VPS50: variants seen among roughly 807,000 people sequenced by gnomAD.
VPS50 encodes VPS50 subunit of EARP/GARPII complex.
VPS50 carries 70 observed loss-of-function variants against 139.7 expected under a neutral mutation model. The observed-to-expected ratio is 0.50, with a 90% confidence interval of 0.41 to 0.61. The LOEUF (loss-of-function observed/expected upper bound fraction) is 0.61. VPS50 is among the 20% of genes least tolerant of loss of function. VPS50 has a pLI of 0.00. For missense variants in VPS50, 921 were observed against 1,133.7 expected, an observed-to-expected ratio of 0.81 and a Z score of 2.69; for synonymous variants, 365 against 376.7, an observed-to-expected ratio of 0.97 and a Z score of 0.36.
intron 18 of VPS50, among the ~76,000 whole-genome samples, chr7:93,307,931 T>C (rs1257758114): frequency 1.3e-5 from 2 of 151,882 alleles, no homozygotes; most frequent in African/African-American, 4.8e-5. Flanking sequence ...ATTCTTTCCA[T>C]GTTGTTATCA....
At chr7:93,347,940 A>G (rs1266249031) in intron 23 of VPS50, among the ~76,000 whole-genome samples, 3 of 151,996 alleles carry the variant, frequency 2.0e-5, no homozygotes, top group African/African-American at 7.2e-5. Context: ...AGTAACCTGC[A>G]CATTGTGCAC....
At chr7:93,291,597 C>A (rs1796650068) in intron 12 of VPS50, 106 bp from the exon 13 acceptor site, 1 of 621,364 alleles carries the variant, frequency 1.6e-6, no homozygotes, top group Non-Finnish European at 2.5e-6. Context: ...AAGAAATTTT[C>A]TTGGTTATTT....
intron 9 of VPS50, among the ~76,000 whole-genome samples, chr7:93,262,271 A>C (rs894592139): frequency 1.3e-5 from 2 of 152,234 alleles, no homozygotes; most frequent in African/African-American, 4.8e-5. Flanking sequence ...GCTATGCTAA[A>C]GTAAATGTCT....
chr7:93,252,364 T>C (rs1236117404), intron 2 of VPS50, among the ~76,000 whole-genome samples: 1 of 151,798 alleles, frequency 6.6e-6, no homozygotes, highest in Non-Finnish European at 1.5e-5. Context: ...AGGTAGTCAC[T>C]TTTTTTTCTT....
chr7:93,266,430 C>T (rs1353322977), intron 9 of VPS50, among the ~76,000 whole-genome samples: 1 of 152,134 alleles, frequency 6.6e-6, no homozygotes, highest in Non-Finnish European at 1.5e-5. Context: ...GCCATCTTGT[C>T]TTTTTGTATA....
At chr7:93,308,523 A>T (rs997773331) in intron 18 of VPS50, among the ~76,000 whole-genome samples, 2 of 151,878 alleles carry the variant, frequency 1.3e-5, no homozygotes, top group Non-Finnish European at 2.9e-5. Context: ...AGAAAAAAAA[A>T]TGCGAATGTA....
At chr7:93,285,050 G>A (rs747852151) in intron 12 of VPS50, among the ~76,000 whole-genome samples, 4 of 152,162 alleles carry the variant, frequency 2.6e-5, no homozygotes, top group South Asian at 2.1e-4. Context: ...TTGACCAGCA[G>A]CATATTTTCA....
intron 13 of VPS50, among the ~76,000 whole-genome samples, chr7:93,293,779 C>T (rs555066645): frequency 6.6e-6 from 1 of 152,198 alleles, no homozygotes. Flanking sequence ...ACAGCCATAC[C>T]ATGGGTGTAA....
chr7:93,327,616 G>A lies in VPS50; in HGVS notation c.1977+3884G>A, dbSNP rs545318758. Among the ~76,000 whole-genome samples, 106 of 152,248 alleles carry A rather than the reference G, an allele frequency of 7.0e-4. 1 individual carries two copies. Among genetic ancestry groups the A allele is most frequent in the African/African-American group, 2.4e-3 (101 of 41,556 alleles). On this transcript the variant is annotated intron_variant, in intron 21 of 27. Transcript: ENST00000305866. ...TTCAATTCTGTAAGACTCAGTAAGA[G>A]CTATTTAATTATACTGAAACAAAGA... is the stretch of plus-strand genomic sequence containing the variant.
chr7:93,299,274 C>T lies in VPS50; in HGVS notation c.1361+2031C>T, dbSNP rs141297322. The stretch of plus-strand genomic sequence containing the variant: ...CTTTACAAAACAAGATAAACTTGAA[C>T]AGAAACTTTAGAAATGATACTAGTG... On this transcript the variant is annotated intron_variant, in intron 16 of 27. Transcript: ENST00000305866. 5.5e-3 allele frequency among the ~76,000 whole-genome samples: 843 copies of T among 152,186 alleles called. 2 individuals carry two copies. The highest frequency in any genetic ancestry group is 8.7e-3 in the Non-Finnish European group (590 of 67,986).
chr7:93,245,859 C>G (rs946307394), intron 2 of VPS50, among the ~76,000 whole-genome samples: 1 of 151,784 alleles, frequency 6.6e-6, no homozygotes, highest in African/African-American at 2.4e-5. Flanking sequence ...GTGCCATTTC[C>G]TCATGTAATC....
intron 1 of VPS50, among the ~76,000 whole-genome samples, chr7:93,235,485 G>A (rs1306894557): frequency 1.3e-5 from 2 of 152,120 alleles, no homozygotes; most frequent in Non-Finnish European, 1.5e-5. Context: ...AGGCTACTGT[G>A]GTAATCCAGG....
chr7:93,248,385 C>T (rs1795218047), intron 2 of VPS50, among the ~76,000 whole-genome samples: 1 of 151,816 alleles, frequency 6.6e-6, no homozygotes. Context: ...TGTACATCTC[C>T]CACCCTAGGG....
At chr7:93,283,570 T>C (rs1187931653) in intron 12 of VPS50, among the ~76,000 whole-genome samples, 1 of 152,110 alleles carries the variant, frequency 6.6e-6, no homozygotes, top group African/African-American at 2.4e-5. Context: ...TCAGTTTTCT[T>C]ACTCAGTCAT....
At position 93,252,763 on chromosome 7, in the gene VPS50, A is replaced by G. The variant is rs1795373117; in HGVS notation, c.213A>G (p.Lys71=). The G allele has an allele frequency of 5.0e-6, 8 of 1,590,042 alleles. No individual in the cohort carries two copies. The highest frequency in any genetic ancestry group is 6.9e-6 in the Non-Finnish European group (8 of 1,164,908). Residue 71 remains lysine, a synonymous_variant, in exon 3 of 28, where the codon AAA becomes AAG. Coordinates refer to ENST00000305866, the MANE Select transcript of VPS50 (RefSeq NM_017667.4). ...CTGTGGATTCATTTGATATTGTTAAATATGAGCTGGAGGTAAACAGAATTT... is the reference window on the plus strand; with the variant it reads ...CTGTGGATTCATTTGATATTGTTAAGTATGAGCTGGAGGTAAACAGAATTT... ...YFSVDSFDIV[K]YELEKLPPVL... is the part of the protein sequence containing the mutation.
In VPS50 at chr7:93,283,029, C is replaced by CT. The variant is rs201019057; in HGVS notation, c.942+6732dup. On this transcript the variant is annotated intron_variant, in intron 12 of 27. Coordinates refer to ENST00000305866, the MANE Select transcript of VPS50 (RefSeq NM_017667.4). ...GTAAGGAAAGTTTATTTGTTTCTTC[C>CT]TTTTTTTTCTTGCCATTTTCTCTCT... Among the ~76,000 whole-genome samples the CT allele has an allele frequency of 6.7e-4, 101 of 151,764 alleles. 1 individual carries two copies. The highest frequency in any genetic ancestry group is 2.3e-3 in the African/African-American group (97 of 41,372).
chr7:93,315,594 T>C (rs1249089801), intron 20 of VPS50, among the ~76,000 whole-genome samples: 2 of 152,190 alleles, frequency 1.3e-5, no homozygotes, highest in Non-Finnish European at 2.9e-5. Context: ...TCCTCCAGCT[T>C]TGGGTACTTG....
intron 20 of VPS50, among the ~76,000 whole-genome samples, chr7:93,313,973 G>A (rs554343820): frequency 6.6e-6 from 1 of 152,264 alleles, no homozygotes; most frequent in South Asian, 2.1e-4. Flanking sequence ...ATCCCCAGTA[G>A]ACTTTTATGC....
intron 17 of VPS50, among the ~76,000 whole-genome samples, chr7:93,303,993 T>TACAGGCAAATTTAA (rs1341729290): frequency 2.6e-5 from 4 of 151,856 alleles, no homozygotes; most frequent in African/African-American, 9.7e-5. Context: ...TTCTTAAATT[T>TACAGGCAAATTTAA]GCCTGTAATG....
Sources: allele counts gnomAD v4.1 joint callset (sites outside exome capture counted in the v4.1 genomes callset), GRCh38; gene constraint gnomAD v4.1.1; transcripts MANE v1.5; gene names NCBI Gene and HGNC (gene_info 2026-07-23, HGNC 2026-07-21).